The following ZNF83 variants were observed in gnomAD, a reference collection of about 807,000 sequenced individuals.
ZNF83 encodes zinc finger protein 816B.
For missense variants in ZNF83, 552 were observed against 629.9 expected (o/e 0.88, Z 1.32); for synonymous variants, 209 against 213.0 (o/e 0.98, Z 0.17).
At chr19:52,622,240 G>A (rs1001653946) in intron 2 of ZNF83, among the ~76,000 whole-genome samples, 1 of 152,106 alleles carries the variant, frequency 6.6e-6, no homozygotes, top group Non-Finnish European at 1.5e-5. Flanking sequence ...GAGGGCATCG[G>A]CAGAGTGCAT....
At chr19:52,656,660 G>A (rs2061509104) in intron 2 of ZNF83, among the ~76,000 whole-genome samples, 1 of 152,244 alleles carries the variant, frequency 6.6e-6, no homozygotes, top group East Asian at 1.9e-4. Context: ...AAAGTCAAGA[G>A]ATTAAGACAA....
At chr19:52,647,720 T>G (rs2061391175) in intron 3 of ZNF83, among the ~76,000 whole-genome samples, 1 of 151,668 alleles carries the variant, frequency 6.6e-6, no homozygotes. Flanking sequence ...CTGCTGTTTA[T>G]TCCCTTCTTA....
chr19:52,612,877 T>C (rs2060149395), exon 3 of ZNF83: 7 of 693,692 alleles, frequency 1.0e-5, no homozygotes, highest in South Asian at 6.5e-5. Flanking sequence ...CTGTCCTCTA[T>C]GGTCTAGCTA....
At position 52,634,968 on chromosome 19, in the gene ZNF83, C is replaced by T. The variant is rs913416324; in HGVS notation, c.-234+98G>A. The T allele has an allele frequency of 4.9e-6, 3 of 617,140 alleles. No individual in the cohort carries two copies. In the East Asian group the frequency reaches 8.2e-5, roughly 17 times the overall value. 38.2% of individuals were successfully genotyped at this position (617,140 alleles called of 1,614,324 possible). ...GGTGAGTGTGAGCAAACCTGTCAGG[C>T]AGGACACTTCTTGAGACCCAGAGAA... On this transcript the variant is annotated intron_variant, in intron 2 of 2. Transcript: ENST00000301096.
intron 2 of ZNF83, chr19:52,618,606 A>G: frequency 3.5e-6 from 1 of 282,536 alleles, no homozygotes; most frequent in Non-Finnish European, 6.5e-6. Flanking sequence ...CATGTTGGTG[A>G]GGCTAGTATC....
At chr19:52,641,661 A>G (rs1278222956), upstream of ZNF83, among the ~76,000 whole-genome samples, 1 of 151,772 alleles carries the variant, frequency 6.6e-6, no homozygotes, top group Non-Finnish European at 1.5e-5. Flanking sequence ...ATCATTTTGG[A>G]ACTGATTTTG....
At chr19:52,658,505 G>C (rs1174031201) in intron 2 of ZNF83, among the ~76,000 whole-genome samples, 1 of 152,248 alleles carries the variant, frequency 6.6e-6, no homozygotes, top group East Asian at 1.9e-4. Context: ...GCAGAGGCTG[G>C]AGTAAGCCGA....
chr19:52,613,615 T>C, exon 3 of ZNF83: 1 of 1,613,552 alleles, frequency 6.2e-7, no homozygotes, highest in Non-Finnish European at 8.5e-7. Flanking sequence ...ATTACATTTG[T>C]AAGGTTTCTC....
intron 2 of ZNF83, among the ~76,000 whole-genome samples, chr19:52,615,031 C>A (rs2060254952): frequency 6.6e-6 from 1 of 152,094 alleles, no homozygotes; most frequent in Admixed American, 6.5e-5. Context: ...TATAAAGAAA[C>A]CTATGGCCAA....
chr19:52,625,476 T>G (rs1320645014), intron 2 of ZNF83, among the ~76,000 whole-genome samples: 1 of 152,112 alleles, frequency 6.6e-6, no homozygotes, highest in African/African-American at 2.4e-5. Context: ...CCATTATGTA[T>G]CTCTCAGCAA....
At chr19:52,648,724 A>G (rs934971365) in intron 3 of ZNF83, among the ~76,000 whole-genome samples, 4 of 152,160 alleles carry the variant, frequency 2.6e-5, no homozygotes, top group African/African-American at 9.7e-5. Flanking sequence ...GCAGCTCAAG[A>G]CAAGTAGACA....
chr19:52,645,811 C>CT lies in ZNF83; in HGVS notation c.-74+9749_-74+9750insA, dbSNP rs1555786960. Among the ~76,000 whole-genome samples, 3 of 141,382 alleles carry CT rather than the reference C, an allele frequency of 2.1e-5. No individual in the cohort carries two copies. In the East Asian group the frequency reaches 6.2e-4, roughly 29 times the overall value. The allele number at this position is 141,382 out of a possible 152,430, so 92.8% of individuals were successfully genotyped here. On this transcript the variant is annotated intron_variant, in intron 3 of 5. Transcript: ENST00000594682. ...GACTGAGTGAGATTCTGCCCCCCCC[C>CT]AAAAAAAGGATAAAGAAAGAAAAAT...
intron 2 of ZNF83, among the ~76,000 whole-genome samples, chr19:52,634,486 T>G (rs2061080355): frequency 6.6e-6 from 1 of 152,192 alleles, no homozygotes; most frequent in African/African-American, 2.4e-5. Context: ...CAGGTTGATT[T>G]CCTATTCTTA....
chr19:52,639,331 C>T, upstream of ZNF83, among the ~76,000 whole-genome samples: 1 of 151,932 alleles, frequency 6.6e-6, no homozygotes, highest in African/African-American at 2.4e-5. Flanking sequence ...AGTAATCCGC[C>T]CGCCTCGGCC....
At chr19:52,616,397 T>G (rs186877986) in intron 2 of ZNF83, among the ~76,000 whole-genome samples, 1 of 152,296 alleles carries the variant, frequency 6.6e-6, no homozygotes, top group East Asian at 1.9e-4. Context: ...GGATTATAAA[T>G]CATTTTACTA....
At chr19:52,630,587 C>T (rs1040600650) in intron 2 of ZNF83, among the ~76,000 whole-genome samples, 1 of 152,016 alleles carries the variant, frequency 6.6e-6, no homozygotes, top group Non-Finnish European at 1.5e-5. Context: ...GGACTACAGC[C>T]GCATCTCACT....
At chr19:52,679,487 T>C (rs1285661257) in intron 1 of ZNF83, among the ~76,000 whole-genome samples, 1 of 152,130 alleles carries the variant, frequency 6.6e-6, no homozygotes, top group Non-Finnish European at 1.5e-5. Flanking sequence ...GGAGCATGCT[T>C]ATAAGCCCTG....
chr19:52,671,188 T>C (rs142749160), intron 1 of ZNF83, among the ~76,000 whole-genome samples: 16 of 152,266 alleles, frequency 1.1e-4, no homozygotes, highest in African/African-American at 3.9e-4. Context: ...CTTTGCCATA[T>C]GTTTTGTGGT....
At chr19:52,689,608 A>C (rs1211161870) in intron 1 of ZNF83, among the ~76,000 whole-genome samples, 1 of 151,954 alleles carries the variant, frequency 6.6e-6, no homozygotes, top group Non-Finnish European at 1.5e-5. Flanking sequence ...ACATTTCTGC[A>C]CTTGCTTTTC....
Sources: allele counts gnomAD v4.1 joint callset (sites outside exome capture counted in the v4.1 genomes callset), GRCh38; gene constraint gnomAD v4.1.1; transcripts MANE v1.5; gene names NCBI Gene and HGNC (gene_info 2026-07-23, HGNC 2026-07-21).